Variants in PHIP observed in about 807,000 individuals in gnomAD.
PHIP encodes PHIP subunit of CUL4-Ring ligase complex.
PHIP carries 54 observed loss-of-function variants against 236.8 expected under a neutral mutation model. The observed-to-expected ratio is 0.23, with a 90% CI of 0.18 to 0.29. The LOEUF (loss-of-function observed/expected upper bound fraction) is 0.29, where lower values mean the gene tolerates loss of function less well. PHIP is among the 10% of genes least tolerant of loss of function. PHIP has a pLI of 1.00. For missense variants in PHIP, 1,370 were observed against 2,190.8 expected (o/e 0.63, Z 7.48); for synonymous variants, 756 against 718.9 (o/e 1.05, Z -0.83).
chr6:78,997,808 C>T (rs1464888263), intron 18 of PHIP, among the ~76,000 whole-genome samples: 3 of 151,994 alleles, frequency 2.0e-5, no homozygotes, highest in East Asian at 1.9e-4. Context: ...GTCAATGAAT[C>T]ATAACTATAG....
chr6:79,038,854 A>T (rs1207798165), intron 7 of PHIP, among the ~76,000 whole-genome samples: 2 of 152,086 alleles, frequency 1.3e-5, no homozygotes, highest in Admixed American at 1.3e-4. Context: ...ACCTTCACAA[A>T]CTTCTCCCCT....
chr6:79,070,869 T>C (rs902934146), intron 4 of PHIP, among the ~76,000 whole-genome samples: 1 of 152,230 alleles, frequency 6.6e-6, no homozygotes. Flanking sequence ...TGTATTTTTT[T>C]CTAAACTATT....
intron 9 of PHIP, among the ~76,000 whole-genome samples, chr6:79,024,586 C>T (rs757796007): frequency 5.9e-5 from 9 of 152,004 alleles, no homozygotes; most frequent in Non-Finnish European, 7.4e-5. Flanking sequence ...GGGCGGATCA[C>T]GAGGTCAGGA....
At chr6:79,052,270 T>G (rs1048315752) in intron 6 of PHIP, among the ~76,000 whole-genome samples, 1 of 152,208 alleles carries the variant, frequency 6.6e-6, no homozygotes, top group African/African-American at 2.4e-5. Context: ...AATGCTGATG[T>G]GAGCGCAGCA....
At position 79,002,113 on chromosome 6, in the gene PHIP, C is replaced by G; in HGVS notation, c.1665G>C (p.Gln555His). 6.2e-7 allele frequency: 1 copy of G among 1,610,380 alleles called. No homozygotes were observed. The highest frequency in any genetic ancestry group is 8.5e-7 in the Non-Finnish European group (1 of 1,177,050). The part of the protein sequence containing the change: ...SSSKYDKIAD[Q>H]MFFHSDYRPL... Reference sequence around the variant, plus strand: ...GCCGATAATCACTATGAAAGAACATCTGATCTGCTATCTGCAAAAAGAAAA... The same window carrying G: ...GCCGATAATCACTATGAAAGAACATGTGATCTGCTATCTGCAAAAAGAAAA... Residue 555 changes from glutamine (Q) to histidine (H), a missense_variant, in exon 17 of 40, where the codon CAG becomes CAC. Gln to His is a conservative substitution (Grantham distance 24, BLOSUM62 0). Coordinates refer to ENST00000275034, the MANE Select transcript of PHIP (RefSeq NM_017934.7).
intron 9 of PHIP, among the ~76,000 whole-genome samples, chr6:79,020,256 TTA>T (rs1277189417): frequency 6.6e-6 from 1 of 152,132 alleles, no homozygotes; most frequent in Non-Finnish European, 1.5e-5. Context: ...GCAAAGAGAA[TTA>T]TCTTTTTTAC....
chr6:79,023,871 A>G (rs1771257910), intron 9 of PHIP, among the ~76,000 whole-genome samples: 1 of 152,226 alleles, frequency 6.6e-6, no homozygotes, highest in Non-Finnish European at 1.5e-5. Flanking sequence ...CAATTTGAAC[A>G]TTGCTAATCA....
Position 79,078,159 on chromosome 6 carries a change from G to T in PHIP, c.-91C>A. The T allele has an allele frequency of 1.6e-6, 2 of 1,284,998 alleles. No individual in the cohort carries two copies. Among genetic ancestry groups the T allele is most frequent in the Non-Finnish European group, 2.2e-6 (2 of 915,874 alleles). 79.6% of individuals were successfully genotyped at this position (1,284,998 alleles called of 1,614,324 possible). ...CGCCGCCTGCCCTATAGCTGTCAGT[G>T]TGTGTTCACGAGCCGAGCTTCGGCT... On this transcript the variant is annotated 5_prime_UTR_variant, in exon 1 of 40. Transcript: ENST00000275034.
intron 23 of PHIP, 37 bp downstream of exon 23, chr6:78,982,849 C>T (rs1184247104): frequency 3.1e-6 from 4 of 1,308,598 alleles, no homozygotes. Flanking sequence ...AACTGTTTCT[C>T]TAGAAAACAC....
In PHIP at chr6:78,970,783, G is replaced by A. The variant is rs1767482332; in HGVS notation, c.2995C>T (p.Arg999Trp). ...KKQPWHKMEL[R>W]EQELMKIVGI... ...TAAATAATAAATCAATGTCATACCC[G>A]TAGCTCCATTTTATGCCATGGTTGT... Residue 999 changes from arginine to tryptophan, a missense_variant and splice_region_variant, in exon 25 of 40, where the codon CGG (arginine) becomes TGG (tryptophan). Physicochemically the swap from Arg to Trp is moderately radical, Grantham distance 101 (BLOSUM62 -3). This residue lies in a region of PHIP where 238 missense variants were observed against 398.5 expected (regional missense o/e 0.60). Coordinates refer to ENST00000275034, the MANE Select transcript of PHIP (RefSeq NM_017934.7). 4 of 1,582,914 alleles carry A rather than the reference G, an allele frequency of 2.5e-6. No individual in the cohort carries two copies. Among genetic ancestry groups the A allele is most frequent in the African/African-American group, 1.4e-5 (1 of 73,906 alleles).
chr6:78,947,311 G>A (rs139084493), intron 36 of PHIP, among the ~76,000 whole-genome samples: 54 of 152,126 alleles, frequency 3.5e-4, no homozygotes, highest in Middle Eastern at 3.4e-3. Context: ...AAAAATCTTC[G>A]CAAAAATGCT....
chr6:79,075,897 C>T (rs889340092), intron 4 of PHIP, among the ~76,000 whole-genome samples: 1 of 151,988 alleles, frequency 6.6e-6, no homozygotes, highest in African/African-American at 2.4e-5. Flanking sequence ...TTTCAAATAT[C>T]AAGGAAGACA....
chr6:79,062,376 C>T (rs889010485), intron 4 of PHIP, among the ~76,000 whole-genome samples: 10 of 152,028 alleles, frequency 6.6e-5, no homozygotes, highest in African/African-American at 2.4e-4. Context: ...TTTTTAAAAT[C>T]GTATACTTTT....
chr6:78,960,070 CA>C (rs1766677191), intron 31 of PHIP, among the ~76,000 whole-genome samples: 2 of 152,076 alleles, frequency 1.3e-5, no homozygotes, highest in South Asian at 4.1e-4. Context: ...TGACATCGCT[CA>C]GCATCATGAA....
At chr6:79,054,628 T>G (rs1159861111) in intron 6 of PHIP, among the ~76,000 whole-genome samples, 1 of 151,256 alleles carries the variant, frequency 6.6e-6, no homozygotes, top group African/African-American at 2.4e-5. Flanking sequence ...AACTGTTAAC[T>G]TATATATTAA....
intron 6 of PHIP, among the ~76,000 whole-genome samples, chr6:79,048,094 T>C (rs940159985): frequency 2.6e-5 from 4 of 151,986 alleles, no homozygotes. Flanking sequence ...CAATGATGTT[T>C]TAATATTTAT....
chr6:78,943,990 T>TAAAAAAAAAA (rs558983037), intron 39 of PHIP, among the ~76,000 whole-genome samples: 1 of 78,144 alleles, frequency 1.3e-5, no homozygotes, highest in Non-Finnish European at 2.3e-5. Context: ...TGTCTTTTTT[T>TAAAAAAAAAA]AAAAAAAAAA....
chr6:79,071,438 T>C (rs990887291), intron 4 of PHIP, among the ~76,000 whole-genome samples: 1 of 152,242 alleles, frequency 6.6e-6, no homozygotes, highest in Non-Finnish European at 1.5e-5. Context: ...CATAATTTCA[T>C]TGACATAGCT....
At chr6:79,053,029 T>A (rs1372540006) in intron 6 of PHIP, among the ~76,000 whole-genome samples, 1 of 152,166 alleles carries the variant, frequency 6.6e-6, no homozygotes. Flanking sequence ...ATTAATAAAG[T>A]AAGATCAGCT....
Sources: allele counts gnomAD v4.1 joint callset (sites outside exome capture counted in the v4.1 genomes callset), GRCh38; gene constraint gnomAD v4.1.1; regional missense constraint gnomAD v4.1.1; transcripts MANE v1.5; gene names NCBI Gene and HGNC (gene_info 2026-07-23, HGNC 2026-07-21).